LPP: variants seen among roughly 807,000 people sequenced by gnomAD.
LPP encodes the protein LIM domain containing preferred translocation partner in lipoma.
In LPP, 38 loss-of-function variants were observed where a neutral mutation model predicts 60.4. The ratio of observed to expected loss-of-function variants is 0.63; its 90% CI spans 0.49 to 0.83. LPP has a LOEUF of 0.83. LPP is among the 40% of genes least tolerant of loss of function. LPP has a pLI of 0.00. For missense variants in LPP, 902 were observed against 783.6 expected (o/e 1.15, Z -1.80); for synonymous variants, 328 against 290.8 (o/e 1.13, Z -1.30).
At chr3:188,753,625 T>A (rs1728879914) in intron 8 of LPP, among the ~76,000 whole-genome samples, 1 of 149,354 alleles carries the variant, frequency 6.7e-6, no homozygotes, top group African/African-American at 2.5e-5. Context: ...GTTTTGTTTT[T>A]TGTTTTTTTT....
intron 4 of LPP, among the ~76,000 whole-genome samples, chr3:188,465,578 C>T (rs1357543040): frequency 1.3e-5 from 2 of 152,056 alleles, no homozygotes; most frequent in East Asian, 3.9e-4. Flanking sequence ...AACAATGTGT[C>T]GAAAACCACA....
intron 2 of LPP, among the ~76,000 whole-genome samples, chr3:188,330,806 A>G (rs1355254712): frequency 6.6e-6 from 1 of 152,002 alleles, no homozygotes; most frequent in Admixed American, 6.6e-5. Flanking sequence ...ACAGAGGGAG[A>G]TACTGCCTCA....
intron 2 of LPP, among the ~76,000 whole-genome samples, chr3:188,333,181 G>C (rs922132569): frequency 1.3e-5 from 2 of 152,088 alleles, no homozygotes; most frequent in Non-Finnish European, 2.9e-5. Flanking sequence ...AGTGCTTGTG[G>C]ATTTCCTTAA....
intron 5 of LPP, among the ~76,000 whole-genome samples, chr3:188,512,462 G>T (rs1815996391): frequency 7.6e-6 from 1 of 131,806 alleles, no homozygotes; most frequent in African/African-American, 2.6e-5. Flanking sequence ...TTAGGCAGGA[G>T]AATTGCTTGA....
At chr3:188,585,196 G>A (rs963756732) in intron 6 of LPP, among the ~76,000 whole-genome samples, 1 of 152,182 alleles carries the variant, frequency 6.6e-6, no homozygotes, top group African/African-American at 2.4e-5. Context: ...AGAGTCCTCA[G>A]AAAGGTGGAA....
chr3:188,688,444 G>A (rs919100002), intron 7 of LPP, among the ~76,000 whole-genome samples: 1 of 152,120 alleles, frequency 6.6e-6, no homozygotes, highest in African/African-American at 2.4e-5. Context: ...ATCCCTTCTT[G>A]GCTTTGTTTG....
chr3:188,531,595 G>A (rs1178526799), intron 6 of LPP, among the ~76,000 whole-genome samples: 1 of 152,108 alleles, frequency 6.6e-6, no homozygotes, highest in Non-Finnish European at 1.5e-5. Context: ...TTTGAAGTCT[G>A]TATAAAAATC....
At chr3:188,664,736 T>C (rs1297330270) in intron 7 of LPP, among the ~76,000 whole-genome samples, 1 of 152,180 alleles carries the variant, frequency 6.6e-6, no homozygotes, top group Non-Finnish European at 1.5e-5. Flanking sequence ...ATATCTTCTG[T>C]ATTATATTCT....
intron 6 of LPP, among the ~76,000 whole-genome samples, chr3:188,566,825 A>G (rs1292356663): frequency 6.6e-6 from 1 of 151,820 alleles, no homozygotes; most frequent in Non-Finnish European, 1.5e-5. Context: ...AGGGTGGAGA[A>G]GGGGAGTAAG....
chr3:188,265,664 CT>C (rs1357083604), intron 2 of LPP, among the ~76,000 whole-genome samples: 1 of 152,044 alleles, frequency 6.6e-6, no homozygotes, highest in Non-Finnish European at 1.5e-5. Flanking sequence ...AAAGAAAGAG[CT>C]GAGTCTTTAA....
At chr3:188,815,916 A>G (rs1054532018) in intron 9 of LPP, among the ~76,000 whole-genome samples, 5 of 152,196 alleles carry the variant, frequency 3.3e-5, no homozygotes, top group African/African-American at 9.7e-5. Flanking sequence ...GGGTCTTTGT[A>G]TCAACAAATC....
chr3:188,276,477 T>G (rs1034502706), intron 2 of LPP, among the ~76,000 whole-genome samples: 3 of 152,160 alleles, frequency 2.0e-5, no homozygotes, highest in African/African-American at 7.2e-5. Context: ...CTTGGATATT[T>G]GTTTAGATAT....
Position 188,258,282 on chromosome 3 carries a change from A to T in LPP, c.-67+32755A>T, listed in dbSNP as rs78474137. ...CATTTCAGTCAAACTTCTAACAGTG[A>T]CTTTCAACACTGGCTGCGCATTAAA... On this transcript the variant is annotated intron_variant, in intron 2 of 11. Coordinates refer to ENST00000617246, the MANE Select transcript of LPP (RefSeq NM_001375462.1). Among the ~76,000 whole-genome samples the T allele has an allele frequency of 1.2e-4, 18 of 152,302 alleles. No homozygotes were observed. In the East Asian group the frequency reaches 3.3e-3, roughly 28 times the overall value.
At chr3:188,579,847 G>C (rs1835645947) in intron 6 of LPP, among the ~76,000 whole-genome samples, 1 of 116,490 alleles carries the variant, frequency 8.6e-6, no homozygotes, top group East Asian at 2.9e-4. Flanking sequence ...GCATGCACTT[G>C]TTGTGTCAGC....
chr3:188,843,327 G>C (rs1411469908), intron 9 of LPP, among the ~76,000 whole-genome samples: 2 of 152,120 alleles, frequency 1.3e-5, no homozygotes. Context: ...AGTGGGAAGG[G>C]TACTGGCCCG....
intron 3 of LPP, among the ~76,000 whole-genome samples, chr3:188,348,510 C>A (rs1174928668): frequency 2.6e-5 from 4 of 152,204 alleles, no homozygotes; most frequent in African/African-American, 7.2e-5. Context: ...AATACTATCA[C>A]CCATCTGATT....
intron 8 of LPP, among the ~76,000 whole-genome samples, chr3:188,753,895 A>G (rs186839604): frequency 6.6e-6 from 1 of 152,206 alleles, no homozygotes; most frequent in East Asian, 1.9e-4. Context: ...TCTCTATAGA[A>G]TCAGATATAC....
chr3:188,286,230 G>A (rs1319282364), intron 2 of LPP, among the ~76,000 whole-genome samples: 2 of 152,182 alleles, frequency 1.3e-5, no homozygotes, highest in Non-Finnish European at 2.9e-5. Flanking sequence ...GGTCTTGAAG[G>A]GGTGGGAGAA....
chr3:188,754,103 G>A (rs1271636281), intron 8 of LPP, among the ~76,000 whole-genome samples: 2 of 152,192 alleles, frequency 1.3e-5, no homozygotes, highest in Non-Finnish European at 2.9e-5. Context: ...ACTTTACATG[G>A]CTAACAGTTG....
Sources: gnomAD v4.1 joint callset for allele counts (sites outside exome capture counted in the v4.1 genomes callset) on GRCh38, gnomAD v4.1.1 for gene constraint, MANE v1.5 for transcripts, NCBI Gene and HGNC (gene_info 2026-07-23, HGNC 2026-07-21) for gene names.